The following TASP1 variants were observed in gnomAD, a reference collection of about 807,000 sequenced individuals.
TASP1 encodes the protein taspase 1, also known as threonine aspartase 1.
A neutral mutation model predicts 56.6 loss-of-function variants in TASP1; 16 were observed. The ratio of observed to expected loss-of-function variants is 0.28; its 90% CI spans 0.19 to 0.43. The LOEUF (loss-of-function observed/expected upper bound fraction) is 0.43. Ranked by LOEUF, TASP1 falls within the 20% of genes least tolerant of loss-of-function variation. The pLI is 1.00. For missense variants in TASP1, 393 were observed against 511.6 expected (o/e 0.77, Z 2.24); for synonymous variants, 179 against 184.2 (o/e 0.97, Z 0.23).
the TASP1 span, among the ~76,000 whole-genome samples, chr20:13,265,096 G>A: frequency 1.3e-4 from 20 of 152,234 alleles, no homozygotes; most frequent in African/African-American, 4.8e-4. Context: ...AAAACAGCAG[G>A]TGTCTCTGAT....
intron 13 of TASP1, among the ~76,000 whole-genome samples, chr20:13,402,028 T>C (rs1391165201): frequency 6.6e-6 from 1 of 152,206 alleles, no homozygotes; most frequent in Non-Finnish European, 1.5e-5. Context: ...TCATTTCTAC[T>C]AACATGGAGG....
chr20:13,611,370 T>C (rs558914808), intron 4 of TASP1, among the ~76,000 whole-genome samples: 2 of 152,346 alleles, frequency 1.3e-5, no homozygotes, highest in African/African-American at 4.8e-5. Flanking sequence ...AGGTTTTTGA[T>C]CTGCTTTAGC....
intron 11 of TASP1, among the ~76,000 whole-genome samples, chr20:13,436,074 T>C (rs1033986048): frequency 3.9e-5 from 6 of 152,164 alleles, no homozygotes; most frequent in Admixed American, 3.9e-4. Flanking sequence ...AAGTGGTTGC[T>C]CACCTAGCAA....
In TASP1 at chr20:13,390,337, C is replaced by A. The variant is rs750537553; in HGVS notation, c.*23G>T. 1.9e-6 allele frequency: 3 copies of A among 1,609,026 alleles called. No individual in the cohort carries two copies. The highest frequency in any genetic ancestry group is 8.5e-7 in the Non-Finnish European group (1 of 1,175,930). ...CTCAGGTTCTGAAATGCCTCTGAGA[C>A]GCTTCACACTCAGCCTGAAGGGTCA... On this transcript the variant is annotated 3_prime_UTR_variant, in exon 14 of 14. Transcript: ENST00000337743.
At chr20:13,125,346 A>G in the TASP1 span, among the ~76,000 whole-genome samples, 1 of 152,266 alleles carries the variant, frequency 6.6e-6, no homozygotes, top group Non-Finnish European at 1.5e-5. Flanking sequence ...CAAAATTCCA[A>G]TAGTTCTCTG....
rs1555793586 is a variant in TASP1, at chr20:13,576,377, G to GAAAGAAAGAAAGAA, written c.488+4506_488+4519dup. 9.3e-4 allele frequency among the ~76,000 whole-genome samples: 66 copies of GAAAGAAAGAAAGAA among 71,280 alleles called. 2 individuals carry two copies. Among genetic ancestry groups the GAAAGAAAGAAAGAA allele is most frequent in the African/African-American group, 2.3e-3 (61 of 26,784 alleles). The allele number at this position is 71,280 out of a possible 152,430, so 46.8% of individuals were successfully genotyped here. Reference sequence around the variant, plus strand: ...AGAAAGAAAGAAAGAAAGAAAGAAAGAAAGAAAGAAAGAAAGAAAGTCAGT... The same window carrying GAAAGAAAGAAAGAA: ...AGAAAGAAAGAAAGAAAGAAAGAAAGAAAGAAAGAAAGAAAAAGAAAGAAAGAAAGAAAGTCAGT... On this transcript the variant is annotated intron_variant, in intron 6 of 13. Transcript: ENST00000337743.
At chr20:13,182,704 C>T in the TASP1 span, among the ~76,000 whole-genome samples, 36 of 152,288 alleles carry the variant, frequency 2.4e-4, no homozygotes, top group African/African-American at 8.4e-4. Context: ...TTCTCTTCCC[C>T]TTTTATTCAC....
the TASP1 span, among the ~76,000 whole-genome samples, chr20:13,321,132 G>T: frequency 6.6e-6 from 1 of 151,700 alleles, no homozygotes; most frequent in Admixed American, 6.6e-5. Context: ...CCAGGAGGAG[G>T]TGAAGGTTTC....
chr20:13,174,326 T>TA, the TASP1 span, among the ~76,000 whole-genome samples: 1 of 152,222 alleles, frequency 6.6e-6, no homozygotes, highest in African/African-American at 2.4e-5. Flanking sequence ...AACTTGAACA[T>TA]ACATTTAGTT....
At chr20:13,364,525 T>G in the TASP1 span, among the ~76,000 whole-genome samples, 7 of 152,200 alleles carry the variant, frequency 4.6e-5, no homozygotes, top group East Asian at 1.9e-4. Flanking sequence ...TTTGTCCCCA[T>G]AGTGACCAAA....
At chr20:13,310,313 A>T in the TASP1 span, among the ~76,000 whole-genome samples, 1 of 152,224 alleles carries the variant, frequency 6.6e-6, no homozygotes, top group Non-Finnish European at 1.5e-5. Flanking sequence ...TTGCAAGAAC[A>T]CACAATGGGG....
the TASP1 span, among the ~76,000 whole-genome samples, chr20:13,304,610 G>T: frequency 6.6e-6 from 1 of 152,166 alleles, no homozygotes. Flanking sequence ...CAGTGAGCTT[G>T]CACAGAAGAC....
intron 8 of TASP1, among the ~76,000 whole-genome samples, chr20:13,555,531 G>A (rs1239589971): frequency 6.6e-6 from 1 of 151,682 alleles, no homozygotes; most frequent in Non-Finnish European, 1.5e-5. Flanking sequence ...GTTCTATCAT[G>A]AGATTGTAGC....
chr20:13,156,063 AAC>A, the TASP1 span, among the ~76,000 whole-genome samples: 25 of 151,036 alleles, frequency 1.7e-4, no homozygotes, highest in African/African-American at 4.4e-4. Flanking sequence ...GACACATACA[AAC>A]ACACACACAC....
chr20:13,445,156 G>A (rs1052083920), intron 11 of TASP1, among the ~76,000 whole-genome samples: 3 of 152,202 alleles, frequency 2.0e-5, no homozygotes, highest in Non-Finnish European at 4.4e-5. Context: ...ATACATATGG[G>A]AGAGATATTC....
chr20:13,596,902 C>T (rs930723045), intron 4 of TASP1, among the ~76,000 whole-genome samples: 1 of 152,186 alleles, frequency 6.6e-6, no homozygotes, highest in African/African-American at 2.4e-5. Flanking sequence ...ATACTATAAA[C>T]AACTCTATGC....
At chr20:13,154,279 T>A in the TASP1 span, 2 of 1,054,116 alleles carry the variant, frequency 1.9e-6, no homozygotes, top group East Asian at 2.6e-5. Flanking sequence ...GGAAGCCACC[T>A]GTCACTCTAT....
chr20:13,525,982 T>C (rs918171407), intron 10 of TASP1, among the ~76,000 whole-genome samples: 2 of 152,136 alleles, frequency 1.3e-5, no homozygotes, highest in African/African-American at 4.8e-5. Flanking sequence ...GAAACTATCT[T>C]CAACTGACAC....
At chr20:13,496,368 T>G (rs762242347) in intron 10 of TASP1, among the ~76,000 whole-genome samples, 24 of 152,154 alleles carry the variant, frequency 1.6e-4, no homozygotes, top group Non-Finnish European at 3.4e-4. Context: ...TTTTGATTTT[T>G]AATACTGCTG....
Sources: gnomAD v4.1 joint callset for allele counts (sites outside exome capture counted in the v4.1 genomes callset) on GRCh38, gnomAD v4.1.1 for gene constraint, MANE v1.5 for transcripts, NCBI Gene and HGNC (gene_info 2026-07-23, HGNC 2026-07-21) for gene names.